The following ADAMTS12 variants were observed in gnomAD, a reference collection of about 807,000 sequenced individuals.
ADAMTS12 encodes A disintegrin and metalloproteinase with thrombospondin motifs 12.
A neutral mutation model predicts 167.8 loss-of-function variants in ADAMTS12; 118 were observed. The ratio of observed to expected loss-of-function variants is 0.70; its 90% CI spans 0.61 to 0.82. The LOEUF (loss-of-function observed/expected upper bound fraction) is 0.82. Ranked by LOEUF, ADAMTS12 falls within the 40% of genes least tolerant of loss-of-function variation. The pLI, the probability that ADAMTS12 is intolerant of heterozygous loss-of-function variation, is 0.00. For synonymous variants in ADAMTS12, 704 were observed against 716.9 expected (o/e 0.98, Z 0.29); for missense variants, 1,916 against 1,998.8 (o/e 0.96, Z 0.79).
At chr5:33,627,143 G>T (rs1235291422) in intron 13 of ADAMTS12, among the ~76,000 whole-genome samples, 2 of 149,248 alleles carry the variant, frequency 1.3e-5, no homozygotes, top group Non-Finnish European at 3.0e-5. Flanking sequence ...GGTGGTGGTG[G>T]TGGTGGTCGT....
At chr5:33,817,437 G>A (rs898555874) in intron 2 of ADAMTS12, among the ~76,000 whole-genome samples, 2 of 152,090 alleles carry the variant, frequency 1.3e-5, no homozygotes, top group Middle Eastern at 3.2e-3. Flanking sequence ...AGGGTCTCAA[G>A]TTCCTGCCTT....
chr5:33,776,665 A>C (rs1435992342), intron 2 of ADAMTS12, among the ~76,000 whole-genome samples: 1 of 152,126 alleles, frequency 6.6e-6, no homozygotes, highest in Non-Finnish European at 1.5e-5. Flanking sequence ...GAAATCAGAA[A>C]AAAAGGAACA....
At position 33,881,107 on chromosome 5, in the gene ADAMTS12, G is replaced by A. The variant is rs1750419849; in HGVS notation, c.489+12C>T. The stretch of plus-strand genomic sequence containing the variant: ...CAGGGCAGAGGAAGGAGATGCCAGA[G>A]CCCACACTCACCAGTCCATGGCAGG... On this transcript the variant is annotated intron_variant, in intron 2 of 23. Transcript: ENST00000504830. 3 of 1,610,514 alleles carry A rather than the reference G, an allele frequency of 1.9e-6. No individual in the cohort carries two copies. The highest frequency in any genetic ancestry group is 1.1e-5 in the South Asian group (1 of 90,762).
intron 2 of ADAMTS12, among the ~76,000 whole-genome samples, chr5:33,771,120 T>C (rs1430950829): frequency 6.6e-6 from 1 of 152,194 alleles, no homozygotes; most frequent in African/African-American, 2.4e-5. Flanking sequence ...GGGTAGGGTT[T>C]TCATCTATTT....
Position 33,725,696 on chromosome 5 carries a change from C to T in ADAMTS12, c.634+25708G>A, listed in dbSNP as rs149496499. ...GGAATGGCCTTGCCAGACACATCGG[C>T]GAGGAAGCCCTCACGTTGTGAAGTT... On this transcript the variant is annotated intron_variant, in intron 3 of 23. Coordinates refer to ENST00000504830, the MANE Select transcript of ADAMTS12 (RefSeq NM_030955.4). Among the ~76,000 whole-genome samples the T allele has an allele frequency of 2.6e-5, 4 of 152,308 alleles. No homozygotes were observed. In the East Asian group the frequency reaches 5.8e-4, roughly 22 times the overall value.
At chr5:33,812,774 T>C (rs182860732) in intron 2 of ADAMTS12, among the ~76,000 whole-genome samples, 1 of 152,352 alleles carries the variant, frequency 6.6e-6, no homozygotes, top group East Asian at 1.9e-4. Context: ...CATTCAATTA[T>C]TGATGGATAT....
At chr5:33,816,245 A>T (rs1177318215) in intron 2 of ADAMTS12, among the ~76,000 whole-genome samples, 1 of 152,202 alleles carries the variant, frequency 6.6e-6, no homozygotes, top group African/African-American at 2.4e-5. Flanking sequence ...TGATTTATGA[A>T]TACAATGTGG....
At position 33,624,286 on chromosome 5, in the gene ADAMTS12, TC is replaced by T. The variant is rs746599286; in HGVS notation, c.2087del (p.Gly696GlufsTer9). ...ATEDRCGVCL[G>X]DGSSCQTVRK... is the part of the protein sequence containing the mutation. ...TCACAGTCTGGCAGGAAGAGCCATCTCCCAGGCACACACCGCAGCGATCCTC... is the reference window on the plus strand; with the variant it reads ...TCACAGTCTGGCAGGAAGAGCCATCTCCAGGCACACACCGCAGCGATCCTC... On this transcript the variant is annotated frameshift_variant, in exon 14 of 24. Coordinates refer to ENST00000504830, the MANE Select transcript of ADAMTS12 (RefSeq NM_030955.4). LOFTEE classifies it high-confidence loss of function. 8 of 1,614,114 alleles carry T rather than the reference TC, an allele frequency of 5.0e-6. No homozygotes were observed. Among genetic ancestry groups the T allele is most frequent in the African/African-American group, 1.3e-5 (1 of 75,024 alleles).
At chr5:33,738,148 AGT>A (rs1304831793) in intron 3 of ADAMTS12, among the ~76,000 whole-genome samples, 1 of 152,148 alleles carries the variant, frequency 6.6e-6, no homozygotes, top group Non-Finnish European at 1.5e-5. Flanking sequence ...ACTAGTGGAA[AGT>A]GTGTGGGATG....
At chr5:33,734,642 G>C (rs115477131) in intron 3 of ADAMTS12, among the ~76,000 whole-genome samples, 4 of 152,256 alleles carry the variant, frequency 2.6e-5, no homozygotes, top group South Asian at 2.1e-4. Flanking sequence ...AATGATTCAC[G>C]AATAAAGTAT....
chr5:33,881,736 T>G (rs1340511668), intron 1 of ADAMTS12, among the ~76,000 whole-genome samples: 2 of 42,628 alleles, frequency 4.7e-5, no homozygotes, highest in East Asian at 3.0e-3. Flanking sequence ...CTAATTTTGT[T>G]TTTTTTTTTT....
chr5:33,665,614 C>T (rs1293651300), intron 5 of ADAMTS12, among the ~76,000 whole-genome samples: 1 of 152,160 alleles, frequency 6.6e-6, no homozygotes, highest in Non-Finnish European at 1.5e-5. Context: ...AAGAATTACA[C>T]AAAATGTGAG....
At chr5:33,754,931 T>C (rs906994895) in intron 2 of ADAMTS12, among the ~76,000 whole-genome samples, 1 of 152,192 alleles carries the variant, frequency 6.6e-6, no homozygotes, top group African/African-American at 2.4e-5. Context: ...CTGTTTTAAA[T>C]AAACTTTATT....
chr5:33,609,862 C>T lies in ADAMTS12; in HGVS notation c.2527+4376G>A, dbSNP rs140991299. On this transcript the variant is annotated intron_variant, in intron 16 of 23. Transcript: ENST00000504830. ...GATTTATGGTCCAACAACTTAGTAG[C>T]CATCTGAAAAAATAATACATATAAA... 3.3e-5 allele frequency among the ~76,000 whole-genome samples: 5 copies of T among 152,188 alleles called. No individual in the cohort carries two copies. The East Asian group carries it at 9.7e-4, about 29-fold the overall frequency.
chr5:33,727,852 T>A (rs1180479582), intron 3 of ADAMTS12, among the ~76,000 whole-genome samples: 5 of 152,232 alleles, frequency 3.3e-5, no homozygotes, highest in Non-Finnish European at 7.3e-5. Flanking sequence ...GTGTTTATGT[T>A]TACTTATTTG....
At position 33,751,676 on chromosome 5, in the gene ADAMTS12, G is replaced by A. The variant is rs182628755; in HGVS notation, c.490-128C>T. On this transcript the variant is annotated intron_variant, in intron 2 of 23. Transcript: ENST00000504830. Reference sequence around the variant, plus strand: ...AAGACCAGTGCTTTCAGAGTCTGCTGTTCGATCTCATAGAAGAGTTACATA... The same window carrying A: ...AAGACCAGTGCTTTCAGAGTCTGCTATTCGATCTCATAGAAGAGTTACATA... 4.8e-6 allele frequency: 4 copies of A among 825,904 alleles called. No individual in the cohort carries two copies. The African/African-American group carries it at 5.2e-5, about 11-fold the overall frequency. The allele number at this position is 825,904 out of a possible 1,614,324, so 51.2% of individuals were successfully genotyped here. A position where few individuals can be genotyped will look rare whatever the true frequency, so the allele number is the denominator to read the frequency against.
chr5:33,857,436 A>G (rs1168379208), intron 2 of ADAMTS12, among the ~76,000 whole-genome samples: 1 of 151,162 alleles, frequency 6.6e-6, no homozygotes, highest in Non-Finnish European at 1.5e-5. Context: ...AAAAAAAAAG[A>G]AAATGGTAAA....
At chr5:33,824,748 C>T (rs565205334) in intron 2 of ADAMTS12, among the ~76,000 whole-genome samples, 1 of 152,160 alleles carries the variant, frequency 6.6e-6, no homozygotes, top group African/African-American at 2.4e-5. Flanking sequence ...CTTCCCATTT[C>T]CTCTTTCTGG....
chr5:33,786,632 G>C (rs1746336893), intron 2 of ADAMTS12, among the ~76,000 whole-genome samples: 1 of 152,142 alleles, frequency 6.6e-6, no homozygotes, highest in Non-Finnish European at 1.5e-5. Context: ...TCTCTTGATA[G>C]ATTGGGTCCT....
Sources: allele counts gnomAD v4.1 joint callset (sites outside exome capture counted in the v4.1 genomes callset), GRCh38; gene constraint gnomAD v4.1.1; transcripts MANE v1.5; gene names NCBI Gene and HGNC (gene_info 2026-07-23, HGNC 2026-07-21).